Variants in PCDHGA1 observed in about 807,000 individuals in gnomAD.
The protein encoded by PCDHGA1 is protocadherin gamma-A1.
Under a neutral mutation model 58.0 loss-of-function variants are expected in PCDHGA1, and 32 were observed. That is an observed-to-expected ratio of 0.55 (90% CI 0.42 to 0.74). The LOEUF is 0.74. Ranked by LOEUF, PCDHGA1 falls within the 30% of genes least tolerant of loss-of-function variation. PCDHGA1 has a pLI of 0.00. For synonymous variants in PCDHGA1, 498 were observed against 501.1 expected, an observed-to-expected ratio of 0.99 and a Z score of 0.08; for missense variants, 1,205 against 1,182.3, an observed-to-expected ratio of 1.02 and a Z score of -0.28.
In PCDHGA1 at chr5:141,435,388, G is replaced by T. The variant is rs186494703; in HGVS notation, c.2422-59419G>T. Among the ~76,000 whole-genome samples, 241 of 152,094 alleles carry T rather than the reference G, an allele frequency of 1.6e-3. 5 individuals carry two copies. Among genetic ancestry groups the T allele is most frequent in the Non-Finnish European group, 2.1e-4 (14 of 67,992 alleles). The stretch of plus-strand genomic sequence containing the variant: ...ACTTAAATATACAATATACCGTATT[G>T]CCATGACGAAAAATGGTAAAGACTA... On this transcript the variant is annotated intron_variant, in intron 1 of 3. Transcript: ENST00000517417.
In PCDHGA1 at chr5:141,490,242, T is replaced by G. The variant is rs2099697678; in HGVS notation, c.2422-4565T>G. 6.2e-7 allele frequency: 1 copy of G among 1,614,194 alleles called. No individual in the cohort carries two copies. The highest frequency in any genetic ancestry group is 8.5e-7 in the Non-Finnish European group (1 of 1,180,028). ...GACAGCCTGCCATGGAGGGCCACTG[T>G]GTGATTCAAGTGGATGTGGGGGATG... On this transcript the variant is annotated intron_variant, in intron 1 of 3. Transcript: ENST00000517417. The surrounding 1 kb of genome is among the most constrained non-coding windows in gnomAD (Gnocchi z 5.4).
chr5:141,361,869 G>T, intron 1 of PCDHGA1: 1 of 1,611,438 alleles, frequency 6.2e-7, no homozygotes, highest in Non-Finnish European at 8.5e-7. Flanking sequence ...TCGATATGGT[G>T]CCACGCGCCG....
Position 141,489,793 on chromosome 5 carries a change from C to T in PCDHGA1, c.2422-5014C>T, listed in dbSNP as rs749700050. On this transcript the variant is annotated intron_variant, in intron 1 of 3. Transcript: ENST00000517417. The surrounding 1 kb of genome is among the most constrained non-coding windows in gnomAD (Gnocchi z 4.5). ...CCACTTCTCTCTGAATGTGAAGACC[C>T]TAAAAGATGGGAAGCCATTCCCAGA... The T allele has an allele frequency of 6.2e-7, 1 of 1,614,044 alleles. No homozygotes were observed. Among genetic ancestry groups the T allele is most frequent in the Non-Finnish European group, 8.5e-7 (1 of 1,180,010 alleles).
chr5:141,352,707 C>A, intron 1 of PCDHGA1: 1 of 1,542,998 alleles, frequency 6.5e-7, no homozygotes, highest in Non-Finnish European at 8.7e-7. Flanking sequence ...TTATATATGG[C>A]GGCCGGGCGC....
At chr5:141,391,618 TA>T (rs2092399304) in intron 1 of PCDHGA1, 3 of 152,366 alleles carry the variant, frequency 2.0e-5, no homozygotes, top group African/African-American at 7.2e-5. Flanking sequence ...TGAGTGGTTT[TA>T]AGAAAGTTTT....
rs541642571 is a variant in PCDHGA1 at position 141,337,992 on chromosome 5, G to A, written c.2421+4887G>A. On this transcript the variant is annotated intron_variant, in intron 1 of 3. Coordinates refer to ENST00000517417, the MANE Select transcript of PCDHGA1 (RefSeq NM_018912.3). ...TCTTACCTTCAAGCATTTGTTCAGAGGTTCTAGAACACTTCTTCAGCCTTT... is the reference window on the plus strand; with the variant it reads ...TCTTACCTTCAAGCATTTGTTCAGAAGTTCTAGAACACTTCTTCAGCCTTT... Among the ~76,000 whole-genome samples, 4 of 152,192 alleles carry A rather than the reference G, an allele frequency of 2.6e-5. No homozygotes were observed. The East Asian group carries it at 7.7e-4, about 29-fold the overall frequency.
rs143458039 is a variant in PCDHGA1 at position 141,339,663 on chromosome 5, A to G, written c.2421+6558A>G. Reference sequence around the variant, plus strand: ...TCTGGCACCTCCCGCATCTGCGTGAAGGTCCTGGATGCGAACGACAATGCG... The same window carrying G: ...TCTGGCACCTCCCGCATCTGCGTGAGGGTCCTGGATGCGAACGACAATGCG... On this transcript the variant is annotated intron_variant, in intron 1 of 3. Transcript: ENST00000517417. 3.4e-5 allele frequency: 55 copies of G among 1,614,158 alleles called. No homozygotes were observed. The African/African-American group carries it at 6.7e-4, about 20-fold the overall frequency.
chr5:141,339,473 C>T lies in PCDHGA1; in HGVS notation c.2421+6368C>T, dbSNP rs1260079920. The T allele has an allele frequency of 2.5e-6, 4 of 1,614,094 alleles. No individual in the cohort carries two copies. In the Admixed American group the frequency reaches 6.7e-5, roughly 27 times the overall value. On this transcript the variant is annotated intron_variant, in intron 1 of 3. Coordinates refer to ENST00000517417, the MANE Select transcript of PCDHGA1 (RefSeq NM_018912.3). ...TGCAGACGTAGGTGAGAACGCCCTT[C>T]AGAAGTACGCACTCAACCCAAATGA...
rs776773140 is a variant in PCDHGA1, at chr5:141,476,589, G to T, written c.2422-18218G>T. The T allele has an allele frequency of 6.2e-7, 1 of 1,614,246 alleles. No individual in the cohort carries two copies. Among genetic ancestry groups the T allele is most frequent in the South Asian group, 1.1e-5 (1 of 91,090 alleles). On this transcript the variant is annotated intron_variant, in intron 1 of 3. Coordinates refer to ENST00000517417, the MANE Select transcript of PCDHGA1 (RefSeq NM_018912.3). This position sits in a 1 kb window ranked among gnomAD's most constrained non-coding sequence, Gnocchi z 7.6. ...CCGGGGACGCGCTTTCCGCTCGAGA[G>T]CGCGCACGATCCCGATGTGGGAAGC...
chr5:141,375,005 G>T, intron 1 of PCDHGA1: 2 of 1,614,010 alleles, frequency 1.2e-6, no homozygotes, highest in Non-Finnish European at 1.7e-6. Flanking sequence ...TGCAAATCTA[G>T]ACTATGAGGA....
Position 141,489,662 on chromosome 5 carries a change from G to T in PCDHGA1, c.2422-5145G>T, listed in dbSNP as rs2233601. On this transcript the variant is annotated intron_variant, in intron 1 of 3. Transcript: ENST00000517417. The surrounding 1 kb of genome is among the most constrained non-coding windows in gnomAD (Gnocchi z 4.5). Reference sequence around the variant, plus strand: ...TTTGCCACCCCTGAGCGAGAGATGCGCATCTCAGAATCAGCAGCATCTGGG... The same window carrying T: ...TTTGCCACCCCTGAGCGAGAGATGCTCATCTCAGAATCAGCAGCATCTGGG... 2.5e-6 allele frequency: 4 copies of T among 1,614,024 alleles called. No homozygotes were observed. The African/African-American group carries it at 4.0e-5, about 16-fold the overall frequency.
At chr5:141,371,941 C>A (rs781345070) in intron 1 of PCDHGA1, 1 of 1,613,174 alleles carries the variant, frequency 6.2e-7, no homozygotes, top group Non-Finnish European at 8.5e-7. Flanking sequence ...GTGGTGTTCG[C>A]GCAGCGAGCC....
Position 141,370,856 on chromosome 5 carries a change from G to A in PCDHGA1, c.2421+37751G>A, listed in dbSNP as rs752174657. On this transcript the variant is annotated intron_variant, in intron 1 of 3. Coordinates refer to ENST00000517417, the MANE Select transcript of PCDHGA1 (RefSeq NM_018912.3). ...CTCTCACTGGAGCCACATTTGCCCT[G>A]GAATCTGCGCAAGATCCTGATGTAG... The A allele has an allele frequency of 1.9e-6, 3 of 1,613,928 alleles. No homozygotes were observed. The East Asian group carries it at 6.7e-5, about 36-fold the overall frequency.
intron 1 of PCDHGA1, among the ~76,000 whole-genome samples, chr5:141,386,574 G>A (rs2090626331): frequency 6.6e-6 from 1 of 151,752 alleles, no homozygotes; most frequent in African/African-American, 2.4e-5. Flanking sequence ...GATAGACTCT[G>A]TACAATAGTG....
chr5:141,383,615 C>G lies in PCDHGA1; in HGVS notation c.2421+50510C>G, dbSNP rs17097251. 9.9e-6 allele frequency: 16 copies of G among 1,613,694 alleles called. No homozygotes were observed. The Admixed American group carries it at 2.3e-4, about 24-fold the overall frequency. On this transcript the variant is annotated intron_variant, in intron 1 of 3. Coordinates refer to ENST00000517417, the MANE Select transcript of PCDHGA1 (RefSeq NM_018912.3). The stretch of plus-strand genomic sequence containing the variant: ...ACAGTGGTGGATGTGAATGACCACA[C>G]GCCTGTCTTCTCTCTGCCTCAGTAC...
chr5:141,471,338 A>G (rs1562030662), intron 1 of PCDHGA1: 1 of 152,234 alleles, frequency 6.6e-6, no homozygotes, highest in Non-Finnish European at 1.5e-5. Context: ...GGTATGATCC[A>G]CTGCGCCCGG....
chr5:141,421,064 G>A (rs2096543646), intron 1 of PCDHGA1: 2 of 593,294 alleles, frequency 3.4e-6, no homozygotes, highest in Non-Finnish European at 5.7e-6. Context: ...ACACAAAGCG[G>A]AATGAGATGG....
intron 2 of PCDHGA1, among the ~76,000 whole-genome samples, chr5:141,503,132 CCT>C (rs1388312522): frequency 6.6e-6 from 1 of 151,994 alleles, no homozygotes; most frequent in Non-Finnish European, 1.5e-5. Flanking sequence ...TCTGGTAGCC[CCT>C]GACACAGCCC....
chr5:141,363,424 C>T (rs1226376844), intron 1 of PCDHGA1, among the ~76,000 whole-genome samples: 1 of 152,126 alleles, frequency 6.6e-6, no homozygotes, highest in Non-Finnish European at 1.5e-5. Context: ...ATATCTGTCT[C>T]AACATAGAAA....
Sources: gnomAD v4.1 joint callset for allele counts (sites outside exome capture counted in the v4.1 genomes callset) on GRCh38, gnomAD v4.1.1 for gene constraint, Gnocchi (gnomAD v3.1) non-coding constraint, MANE v1.5 for transcripts, NCBI Gene and HGNC (gene_info 2026-07-23, HGNC 2026-07-21) for gene names.